SLC8A1: variants seen among roughly 807,000 people sequenced by gnomAD.
SLC8A1 encodes solute carrier family 8 member A1.
In SLC8A1, 18 loss-of-function variants were observed where a neutral mutation model predicts 68.3. The ratio of observed to expected loss-of-function variants is 0.26; its 90% confidence interval spans 0.18 to 0.39. SLC8A1 has a LOEUF of 0.39. Ranked by LOEUF, SLC8A1 falls within the 10% of genes least tolerant of loss-of-function variation. The pLI is 1.00. For missense variants in SLC8A1, 985 were observed against 1,156.7 expected (o/e 0.85, Z 2.15); for synonymous variants, 475 against 415.5 (o/e 1.14, Z -1.74).
intron 2 of SLC8A1, among the ~76,000 whole-genome samples, chr2:40,233,521 G>A (rs113882614): frequency 1.4e-4 from 20 of 141,426 alleles, no homozygotes; most frequent in African/African-American, 2.6e-4. Context: ...AGTAGGTTGC[G>A]AAAATTTTCT....
intron 2 of SLC8A1, among the ~76,000 whole-genome samples, chr2:40,363,866 T>C (rs1171178442): frequency 6.6e-6 from 1 of 152,076 alleles, no homozygotes; most frequent in Admixed American, 6.6e-5. Flanking sequence ...TATTTGCTTG[T>C]TGAGTTTACG....
chr2:40,267,911 A>G (rs2065557054), intron 2 of SLC8A1, among the ~76,000 whole-genome samples: 1 of 152,138 alleles, frequency 6.6e-6, no homozygotes, highest in South Asian at 2.1e-4. Flanking sequence ...CTCACTGGGT[A>G]TGCAGGATGA....
intron 1 of SLC8A1, among the ~76,000 whole-genome samples, chr2:40,509,036 C>T (rs986077201): frequency 3.9e-5 from 6 of 152,176 alleles, no homozygotes; most frequent in Non-Finnish European, 8.8e-5. Flanking sequence ...CCATTTTCTC[C>T]TCAACAGTAC....
At chr2:40,326,539 C>G (rs1488066412) in intron 2 of SLC8A1, among the ~76,000 whole-genome samples, 5 of 152,060 alleles carry the variant, frequency 3.3e-5, no homozygotes, top group Non-Finnish European at 5.9e-5. Context: ...TTGTCACAGC[C>G]CACTCATTTT....
At chr2:40,103,040 T>G (rs2125030419) in exon 8 of SLC8A1, 1 of 152,278 alleles carries the variant, frequency 6.6e-6, no homozygotes, top group Non-Finnish European at 1.5e-5. Flanking sequence ...TGTCAGTAAT[T>G]TTTGCTTACC....
At chr2:40,107,413 A>T (rs2034284187) in exon 8 of SLC8A1, 2 of 151,568 alleles carry the variant, frequency 1.3e-5, no homozygotes, top group South Asian at 2.1e-4. Context: ...TGACCAGCAT[A>T]TTTTTTTCCA....
At chr2:40,401,732 A>G (rs1357992591) in intron 2 of SLC8A1, among the ~76,000 whole-genome samples, 2 of 151,992 alleles carry the variant, frequency 1.3e-5, no homozygotes, top group African/African-American at 4.8e-5. Context: ...TGAATACTAT[A>G]TCCCAAGTTT....
intron 2 of SLC8A1, among the ~76,000 whole-genome samples, chr2:40,223,442 C>G (rs1675007505): frequency 6.6e-6 from 1 of 152,016 alleles, no homozygotes; most frequent in Non-Finnish European, 1.5e-5. Context: ...GTACAGCAAA[C>G]CGTCATGGCA....
At chr2:40,475,368 C>T (rs960484583) in intron 1 of SLC8A1, among the ~76,000 whole-genome samples, 1 of 151,896 alleles carries the variant, frequency 6.6e-6, no homozygotes, top group African/African-American at 2.4e-5. Flanking sequence ...CTCCTGACCT[C>T]GTGATCCACC....
chr2:40,474,694 G>A (rs920344826), intron 1 of SLC8A1, among the ~76,000 whole-genome samples: 4 of 152,196 alleles, frequency 2.6e-5, no homozygotes, highest in Non-Finnish European at 4.4e-5. Flanking sequence ...TTTGATTTAG[G>A]TTCTAATATT....
chr2:40,211,433 A>G (rs1233218573), intron 2 of SLC8A1, among the ~76,000 whole-genome samples: 1 of 152,260 alleles, frequency 6.6e-6, no homozygotes. Context: ...AGCTAAAGGT[A>G]TAGATGGGAA....
chr2:40,281,703 G>C (rs943359885), intron 2 of SLC8A1, among the ~76,000 whole-genome samples: 8 of 152,264 alleles, frequency 5.3e-5, no homozygotes, highest in African/African-American at 1.7e-4. Context: ...TCTGGAAAGA[G>C]TGAAGACCCA....
chr2:40,430,899 G>A (rs1373523260), intron 1 of SLC8A1, among the ~76,000 whole-genome samples: 2 of 152,054 alleles, frequency 1.3e-5, no homozygotes, highest in Admixed American at 1.3e-4. Flanking sequence ...ATGTCCTATT[G>A]CTCCACACTT....
intron 1 of SLC8A1, among the ~76,000 whole-genome samples, chr2:40,490,494 C>T (rs925327402): frequency 1.3e-5 from 2 of 152,004 alleles, no homozygotes; most frequent in African/African-American, 2.4e-5. Context: ...CTGATAAGAA[C>T]CCAGTATTTC....
chr2:40,414,127 C>A (rs1693069397), intron 2 of SLC8A1, among the ~76,000 whole-genome samples: 1 of 152,142 alleles, frequency 6.6e-6, no homozygotes, highest in Admixed American at 6.6e-5. Flanking sequence ...GCTCTTCAAG[C>A]ATTTTATGAA....
chr2:40,398,992 A>G (rs1466936679), intron 2 of SLC8A1, among the ~76,000 whole-genome samples: 1 of 152,218 alleles, frequency 6.6e-6, no homozygotes, highest in South Asian at 2.1e-4. Flanking sequence ...AATGACTTTT[A>G]AAAATGAAAT....
At chr2:40,279,219 C>G (rs1475986139) in intron 2 of SLC8A1, among the ~76,000 whole-genome samples, 1 of 152,210 alleles carries the variant, frequency 6.6e-6, no homozygotes, top group Non-Finnish European at 1.5e-5. Context: ...ATTAATATCA[C>G]TTTCACTTTA....
At chr2:40,457,980 C>T (rs1366908221) in intron 1 of SLC8A1, among the ~76,000 whole-genome samples, 5 of 152,156 alleles carry the variant, frequency 3.3e-5, no homozygotes, top group Admixed American at 1.3e-4. Context: ...ATACTGAAAG[C>T]TGGGTCCTAC....
intron 2 of SLC8A1, among the ~76,000 whole-genome samples, chr2:40,309,132 C>T (rs2073210990): frequency 6.6e-6 from 1 of 152,138 alleles, no homozygotes; most frequent in South Asian, 2.1e-4. Flanking sequence ...ATTATTTTTA[C>T]TGCATTTAGC....
Sources: allele counts gnomAD v4.1 joint callset (sites outside exome capture counted in the v4.1 genomes callset), GRCh38; gene constraint gnomAD v4.1.1; transcripts MANE v1.5; gene names NCBI Gene and HGNC (gene_info 2026-07-23, HGNC 2026-07-21).